CAMTA1: variants seen among roughly 807,000 people sequenced by gnomAD.
CAMTA1 encodes the protein calmodulin binding transcription activator 1, also known as calmodulin-binding transcription activator 1.
In CAMTA1, 27 loss-of-function variants were observed where a neutral mutation model predicts 170.9. The observed-to-expected ratio is 0.16, with a 90% CI of 0.12 to 0.22. The LOEUF (loss-of-function observed/expected upper bound fraction) is 0.22, where lower values mean the gene tolerates loss of function less well. Ranked by LOEUF, CAMTA1 falls within the 10% of genes least tolerant of loss-of-function variation. The pLI is 1.00. For synonymous variants in CAMTA1, 833 were observed against 891.5 expected (o/e 0.93, Z 1.17); for missense variants, 1,619 against 2,217.2 (o/e 0.73, Z 5.42).
intron 3 of CAMTA1, among the ~76,000 whole-genome samples, chr1:7,071,133 A>G (rs1425426976): frequency 6.6e-6 from 1 of 152,184 alleles, no homozygotes; most frequent in Non-Finnish European, 1.5e-5. Flanking sequence ...CCTCTCCTCA[A>G]ACAAGGTCAT....
At chr1:7,255,631 TC>T (rs1419286163) in intron 5 of CAMTA1, among the ~76,000 whole-genome samples, 1 of 152,150 alleles carries the variant, frequency 6.6e-6, no homozygotes. Context: ...ATCAGCCTTG[TC>T]CAGTTCAAAA....
chr1:7,307,635 TC>T (rs1257556282), intron 5 of CAMTA1, among the ~76,000 whole-genome samples: 13 of 152,046 alleles, frequency 8.6e-5, no homozygotes, highest in Non-Finnish European at 4.4e-5. Flanking sequence ...TTCTTTAGAT[TC>T]TTAACATGGT....
chr1:7,048,555 C>T (rs1358242902), intron 3 of CAMTA1, among the ~76,000 whole-genome samples: 1 of 152,218 alleles, frequency 6.6e-6, no homozygotes, highest in African/African-American at 2.4e-5. Flanking sequence ...AGAGATTCTG[C>T]AGCACCTGCC....
At position 6,866,503 on chromosome 1, in the gene CAMTA1, T is replaced by C. The variant is rs1248737892; in HGVS notation, c.234+41293T>C. ...AATTTGTCTCCCTGTTGTTTTACTTTTTATATTATTTGTGTTTGGGAGGAA... is the reference window on the plus strand; with the variant it reads ...AATTTGTCTCCCTGTTGTTTTACTTCTTATATTATTTGTGTTTGGGAGGAA... On this transcript the variant is annotated intron_variant, in intron 3 of 22. Coordinates refer to ENST00000303635, the MANE Select transcript of CAMTA1 (RefSeq NM_015215.4). 6.6e-5 allele frequency among the ~76,000 whole-genome samples: 10 copies of C among 152,174 alleles called. 1 individual carries two copies. Among genetic ancestry groups the C allele is most frequent in the African/African-American group, 2.4e-4 (10 of 41,442 alleles).
intron 3 of CAMTA1, among the ~76,000 whole-genome samples, chr1:6,833,867 C>A (rs988750830): frequency 6.6e-6 from 1 of 152,192 alleles, no homozygotes; most frequent in African/African-American, 2.4e-5. Context: ...TATGGACTTA[C>A]AGCCCCTTGA....
Position 7,256,178 on chromosome 1 carries a change from C to T in CAMTA1, c.438+6552C>T, listed in dbSNP as rs142521862. 2.5e-3 allele frequency among the ~76,000 whole-genome samples: 382 copies of T among 152,312 alleles called. 3 individuals are homozygous for T. The highest frequency in any genetic ancestry group is 0.014 in the South Asian group (68 of 4,818). On this transcript the variant is annotated intron_variant, in intron 5 of 22. Transcript: ENST00000303635. ...TCTTCCTTAATTTCTAATTACTTGG[C>T]ATCCCTGGTGACATGTTTCTACCCA...
At chr1:7,383,693 C>T (rs1281734862) in intron 5 of CAMTA1, among the ~76,000 whole-genome samples, 6 of 151,598 alleles carry the variant, frequency 4.0e-5, no homozygotes, top group South Asian at 4.2e-4. Context: ...CTGCTACTGT[C>T]GATGCTGTCG....
chr1:7,608,486 C>T (rs990801233), intron 6 of CAMTA1, among the ~76,000 whole-genome samples: 1 of 152,198 alleles, frequency 6.6e-6, no homozygotes, highest in African/African-American at 2.4e-5. Context: ...CAAAAAAGGC[C>T]TGAGAAAGAA....
chr1:7,011,545 TC>T (rs1260223547), intron 3 of CAMTA1, among the ~76,000 whole-genome samples: 1 of 151,980 alleles, frequency 6.6e-6, no homozygotes, highest in Non-Finnish European at 1.5e-5. Flanking sequence ...GGGGGGGCCC[TC>T]TCCTCATTCC....
chr1:6,881,918 G>A (rs1443202198), intron 3 of CAMTA1, among the ~76,000 whole-genome samples: 1 of 152,152 alleles, frequency 6.6e-6, no homozygotes, highest in African/African-American at 2.4e-5. Context: ...AGTGAGTGGA[G>A]ATCGCACCAC....
chr1:6,807,591 G>A (rs1215615146), intron 1 of CAMTA1, among the ~76,000 whole-genome samples: 15 of 151,974 alleles, frequency 9.9e-5, no homozygotes, highest in African/African-American at 3.4e-4. Context: ...GTGGTGGCAC[G>A]TGCCTGTAGT....
chr1:7,459,532 CT>C (rs2093034377), intron 5 of CAMTA1, among the ~76,000 whole-genome samples: 1 of 152,212 alleles, frequency 6.6e-6, no homozygotes, highest in African/African-American at 2.4e-5. Flanking sequence ...GACGTCTAGG[CT>C]TTGACAGGAA....
At position 7,067,418 on chromosome 1, in the gene CAMTA1, A is replaced by ATTC. The variant is rs55735334; in HGVS notation, c.235-23869_235-23867dup. 0.25 allele frequency among the ~76,000 whole-genome samples: 38,091 copies of ATTC among 151,442 alleles called. 5,316 individuals carry two copies. The highest frequency in any genetic ancestry group is 0.38 in the African/African-American group (15,593 of 41,170). On this transcript the variant is annotated intron_variant, in intron 3 of 22. Transcript: ENST00000303635. The surrounding 1 kb of genome is among the most constrained non-coding windows in gnomAD (Gnocchi z 4.3). Reference sequence around the variant, plus strand: ...AACCAATTAGGTTCTTACTTGCTGAATTCTTCTTCTTCTTCTTCTGCTTCT... The same window carrying ATTC: ...AACCAATTAGGTTCTTACTTGCTGAATTCTTCTTCTTCTTCTTCTTCTGCTTCT...
rs113156961 is a variant in CAMTA1, at chr1:6,849,357, G to A, written c.234+24147G>A. Among the ~76,000 whole-genome samples the A allele has an allele frequency of 7.1e-3, 1,084 of 152,180 alleles. 5 individuals are homozygous for A. Among genetic ancestry groups the A allele is most frequent in the Non-Finnish European group, 8.6e-3 (586 of 68,014 alleles). On this transcript the variant is annotated intron_variant, in intron 3 of 22. Transcript: ENST00000303635. ...GAGAGCTCAAAGAAGCTGAGAGTAC[G>A]GATAAAATTTTCCTTGGAGAGTAGG...
At chr1:7,604,842 G>A (rs956669712) in intron 6 of CAMTA1, among the ~76,000 whole-genome samples, 5 of 152,076 alleles carry the variant, frequency 3.3e-5, no homozygotes, top group Non-Finnish European at 5.9e-5. Flanking sequence ...TCATGGTGAC[G>A]TACAGATGGG....
rs190013185 is a variant in CAMTA1 at position 6,837,091 on chromosome 1, C to T, written c.234+11881C>T. On this transcript the variant is annotated intron_variant, in intron 3 of 22. Coordinates refer to ENST00000303635, the MANE Select transcript of CAMTA1 (RefSeq NM_015215.4). ...GCCTCAGCCTCCCAAGCAGCTGGGA[C>T]TACAGGCACGCGCCACCATACCCGG... Among the ~76,000 whole-genome samples, 314 of 152,110 alleles carry T rather than the reference C, an allele frequency of 2.1e-3. 2 individuals carry two copies. Among genetic ancestry groups the T allele is most frequent in the Non-Finnish European group, 3.8e-3 (257 of 67,982 alleles).
intron 5 of CAMTA1, among the ~76,000 whole-genome samples, chr1:7,357,242 T>C (rs1397502587): frequency 6.6e-6 from 1 of 152,234 alleles, no homozygotes; most frequent in African/African-American, 2.4e-5. Flanking sequence ...TTTTCATTCA[T>C]GTCTTCCTCC....
At chr1:7,340,578 C>T (rs2083748212) in intron 5 of CAMTA1, among the ~76,000 whole-genome samples, 1 of 150,692 alleles carries the variant, frequency 6.6e-6, no homozygotes, top group African/African-American at 2.4e-5. Flanking sequence ...TCCTTCCTTC[C>T]ATCCTTCCAT....
intron 4 of CAMTA1, among the ~76,000 whole-genome samples, chr1:7,247,834 CATTTAGAAATGGAAGTGAAT>C (rs1233326179): frequency 6.6e-6 from 1 of 152,140 alleles, no homozygotes; most frequent in African/African-American, 2.4e-5. Context: ...GCCTACCTGC[CATTTAGAAATGGAAGTGAAT>C]TGTAAGGTTT....
Sources: allele counts gnomAD v4.1 joint callset (sites outside exome capture counted in the v4.1 genomes callset), GRCh38; gene constraint gnomAD v4.1.1; non-coding constraint Gnocchi (gnomAD v3.1); transcripts MANE v1.5; gene names NCBI Gene and HGNC (gene_info 2026-07-23, HGNC 2026-07-21).